Variants in NHERF4 observed in about 807,000 individuals in gnomAD.
NHERF4 encodes Na(+)/H(+) exchange regulatory cofactor NHE-RF4.
chr11:119,188,156 C>A, the NHERF4 span: 1 of 1,528,044 alleles, frequency 6.5e-7, no homozygotes, highest in Non-Finnish European at 8.8e-7. Context: ...TGAGTGGGAG[C>A]CCTGGGGGCG....
At chr11:119,188,612 A>G in the NHERF4 span, 1 of 1,612,740 alleles carries the variant, frequency 6.2e-7, no homozygotes, top group Non-Finnish European at 8.5e-7. Context: ...TGAGGTCCGA[A>G]AGATTTGCTC....
the NHERF4 span, chr11:119,186,069 C>G: frequency 1.2e-6 from 2 of 1,610,336 alleles, no homozygotes; most frequent in Non-Finnish European, 8.5e-7. This position sits in a 1 kb window ranked among gnomAD's most constrained non-coding sequence, Gnocchi z 4.4. Context: ...CAGCTTGTAC[C>G]TGCTTCCCCT....
chr11:119,185,532 T>C, the NHERF4 span: 4 of 1,611,934 alleles, frequency 2.5e-6, no homozygotes, highest in Non-Finnish European at 3.4e-6. Flanking sequence ...GGAGAAATCC[T>C]CTGCAGGGGA....
chr11:119,189,852 G>A, the NHERF4 span: 16 of 372,032 alleles, frequency 4.3e-5, 2 homozygotes, highest in South Asian at 5.5e-4. The surrounding 1 kb of genome is among the most constrained non-coding windows in gnomAD (Gnocchi z 5.8). Flanking sequence ...AAAATTTGGA[G>A]ACCAGCTATG....
chr11:119,188,955 A>G, the NHERF4 span: 2 of 1,613,186 alleles, frequency 1.2e-6, no homozygotes, highest in Non-Finnish European at 1.7e-6. Flanking sequence ...GCCTAAAGCC[A>G]GCAAACTTTC....
the NHERF4 span, chr11:119,187,607 A>G: frequency 1.3e-6 from 2 of 1,583,924 alleles, no homozygotes; most frequent in Non-Finnish European, 1.7e-6. Context: ...CTGGAGGAGC[A>G]GCTGAGCGGG....
chr11:119,190,062 C>T, the NHERF4 span: 3 of 504,566 alleles, frequency 5.9e-6, no homozygotes, highest in South Asian at 9.8e-5. The surrounding 1 kb of genome is among the most constrained non-coding windows in gnomAD (Gnocchi z 4.2). Context: ...AGGTTGAGAC[C>T]TGGTCAAATT....
the NHERF4 span, chr11:119,185,531 C>T: frequency 6.2e-7 from 1 of 1,612,228 alleles, no homozygotes; most frequent in Admixed American, 1.7e-5. Flanking sequence ...AGGAGAAATC[C>T]TCTGCAGGGG....
the NHERF4 span, chr11:119,189,693 C>T: frequency 1.6e-6 from 1 of 619,736 alleles, no homozygotes; most frequent in Admixed American, 2.7e-5. This position sits in a 1 kb window ranked among gnomAD's most constrained non-coding sequence, Gnocchi z 5.8. Flanking sequence ...CAGACAGGTC[C>T]CTGAAGGAGT....
chr11:119,187,448 G>A, the NHERF4 span: 1 of 1,614,070 alleles, frequency 6.2e-7, no homozygotes, highest in Non-Finnish European at 8.5e-7. Context: ...TTTGGCTTCA[G>A]TGTCACCCAT....
At chr11:119,188,397 A>T in the NHERF4 span, 1 of 1,613,672 alleles carries the variant, frequency 6.2e-7, no homozygotes, top group Non-Finnish European at 8.5e-7. Context: ...CCAGCCAAGA[A>T]GGCTGGGATG....
the NHERF4 span, chr11:119,188,490 G>A: frequency 1.9e-6 from 3 of 1,609,324 alleles, no homozygotes; most frequent in Admixed American, 5.0e-5. Context: ...AGGATCCAGG[G>A]GCAGGGCTCC....
At chr11:119,187,368 C>A in the NHERF4 span, 1 of 1,613,884 alleles carries the variant, frequency 6.2e-7, no homozygotes, top group Non-Finnish European at 8.5e-7. Flanking sequence ...GAGAAGATGC[C>A]CACCTCTGTC....
chr11:119,189,663 G>C, the NHERF4 span: 1 of 729,474 alleles, frequency 1.4e-6, no homozygotes. The surrounding 1 kb of genome is among the most constrained non-coding windows in gnomAD (Gnocchi z 5.8). Flanking sequence ...CCTGCCAGCA[G>C]AGGGTGTGGT....
At chr11:119,188,987 A>G in the NHERF4 span, 1 of 1,613,862 alleles carries the variant, frequency 6.2e-7, no homozygotes, top group Non-Finnish European at 8.5e-7. Flanking sequence ...CCTGTTCTGC[A>G]TGCCCCCACA....
At chr11:119,189,831 A>G in the NHERF4 span, 1 of 386,666 alleles carries the variant, frequency 2.6e-6, no homozygotes, top group South Asian at 3.8e-5. The surrounding 1 kb of genome is among the most constrained non-coding windows in gnomAD (Gnocchi z 5.8). Flanking sequence ...AGGACCCTTG[A>G]GTGTAATGCA....
the NHERF4 span, chr11:119,187,248 C>T: frequency 1.7e-5 from 27 of 1,560,874 alleles, no homozygotes; most frequent in African/African-American, 1.5e-4. Context: ...ACCAAACCCA[C>T]GCCCACGTGC....
chr11:119,187,590 C>A, the NHERF4 span: 1 of 1,588,588 alleles, frequency 6.3e-7, no homozygotes, highest in South Asian at 1.1e-5. Flanking sequence ...CTGGTTGGTG[C>A]TAAGTACTGG....
At chr11:119,188,626 C>T in the NHERF4 span, 10 of 1,613,862 alleles carry the variant, frequency 6.2e-6, no homozygotes, top group Non-Finnish European at 8.5e-6. Context: ...TTTGCTCTCC[C>T]TGCCACCTTC....
Sources: allele counts gnomAD v4.1 joint callset, GRCh38; gene constraint gnomAD v4.1.1; non-coding constraint Gnocchi (gnomAD v3.1); transcripts MANE v1.5; gene names NCBI Gene and HGNC (gene_info 2026-07-23, HGNC 2026-07-21).